The following DAB1 variants were observed in gnomAD, a reference collection of about 807,000 sequenced individuals.
DAB1 encodes disabled homolog 1.
A neutral mutation model predicts 64.6 loss-of-function variants in DAB1; 15 were observed. That is an observed-to-expected ratio of 0.23 (90% CI 0.16 to 0.36). The LOEUF is 0.36. Among genes scored for constraint, DAB1 ranks in the 10% least tolerant of loss-of-function variants. The pLI, the probability that DAB1 is intolerant of heterozygous loss-of-function variation, is 1.00. For missense variants in DAB1, 596 were observed against 706.7 expected, an observed-to-expected ratio of 0.84 and a Z score of 1.78; for synonymous variants, 235 against 251.9, an observed-to-expected ratio of 0.93 and a Z score of 0.64.
At chr1:58,514,211 T>C (rs1295330102) in intron 2 of DAB1, among the ~76,000 whole-genome samples, 2 of 152,186 alleles carry the variant, frequency 1.3e-5, no homozygotes, top group Non-Finnish European at 2.9e-5. Flanking sequence ...TAAATGTATA[T>C]GAATATGCAT....
chr1:57,313,528 A>G (rs1042031019), intron 1 of DAB1, among the ~76,000 whole-genome samples: 5 of 152,150 alleles, frequency 3.3e-5, no homozygotes, highest in Non-Finnish European at 5.9e-5. Context: ...GCCTGCTATG[A>G]GGAAGGGGTA....
At chr1:57,648,230 C>A (rs1360094604) in intron 7 of DAB1, among the ~76,000 whole-genome samples, 2 of 152,164 alleles carry the variant, frequency 1.3e-5, no homozygotes, top group African/African-American at 4.8e-5. Context: ...CTAGGTGTAG[C>A]AGTTACTTAC....
intron 4 of DAB1, among the ~76,000 whole-genome samples, chr1:58,244,935 C>G (rs1188001973): frequency 6.6e-6 from 1 of 152,170 alleles, no homozygotes; most frequent in African/African-American, 2.4e-5. Context: ...AAGTCAAGCT[C>G]TGGAGGCCTC....
intron 5 of DAB1, among the ~76,000 whole-genome samples, chr1:58,129,925 T>C (rs1404497585): frequency 1.4e-5 from 2 of 146,566 alleles, no homozygotes; most frequent in Non-Finnish European, 3.0e-5. Flanking sequence ...GAAAAAAATG[T>C]ATATTCTGTT....
At chr1:57,141,607 C>T (rs1397969712) in intron 3 of DAB1, among the ~76,000 whole-genome samples, 2 of 152,178 alleles carry the variant, frequency 1.3e-5, no homozygotes, top group Non-Finnish European at 2.9e-5. Context: ...AAAGTATCCT[C>T]ATCTGGTCTT....
chr1:57,371,751 T>C (rs1680513897), intron 1 of DAB1, among the ~76,000 whole-genome samples: 1 of 152,208 alleles, frequency 6.6e-6, no homozygotes, highest in Non-Finnish European at 1.5e-5. Flanking sequence ...ATGTAGAACA[T>C]TGAAGATCTT....
chr1:58,013,920 A>T, intron 5 of DAB1, among the ~76,000 whole-genome samples: 1 of 146,320 alleles, frequency 6.8e-6, no homozygotes, highest in Non-Finnish European at 1.5e-5. Context: ...TTTTAAGATG[A>T]CTGTAGTATA....
At chr1:57,048,127 C>A (rs912832239) in intron 9 of DAB1, among the ~76,000 whole-genome samples, 1 of 152,118 alleles carries the variant, frequency 6.6e-6, no homozygotes, top group African/African-American at 2.4e-5. Flanking sequence ...CACTGAGGCA[C>A]AAAGAAGTTT....
chr1:57,260,117 AT>A (rs1324248305), intron 2 of DAB1, among the ~76,000 whole-genome samples: 1 of 152,098 alleles, frequency 6.6e-6, no homozygotes, highest in African/African-American at 2.4e-5. Flanking sequence ...TAGTGTAGAG[AT>A]TTAGCAATGC....
At chr1:57,709,789 A>G (rs1277216897) in intron 6 of DAB1, among the ~76,000 whole-genome samples, 1 of 152,132 alleles carries the variant, frequency 6.6e-6, no homozygotes, top group Non-Finnish European at 1.5e-5. Flanking sequence ...TATTATGCAG[A>G]TGGGTTCTCT....
intron 6 of DAB1, among the ~76,000 whole-genome samples, chr1:57,811,863 C>T (rs759693415): frequency 1.5e-4 from 23 of 152,138 alleles, no homozygotes; most frequent in Non-Finnish European, 3.2e-4. Context: ...GTTGACAATG[C>T]TGTTCTCAGG....
intron 7 of DAB1, among the ~76,000 whole-genome samples, chr1:57,479,482 T>C (rs2101233409): frequency 6.6e-6 from 1 of 150,588 alleles, no homozygotes; most frequent in South Asian, 2.1e-4. Context: ...TATAAAACTC[T>C]GTGTTCTAGT....
At chr1:57,332,062 C>T (rs1676717450) in intron 1 of DAB1, among the ~76,000 whole-genome samples, 1 of 152,316 alleles carries the variant, frequency 6.6e-6, no homozygotes, top group African/African-American at 2.4e-5. Context: ...CTCCCAGGTT[C>T]AAGTGATTCT....
intron 7 of DAB1, among the ~76,000 whole-genome samples, chr1:57,605,530 C>A (rs1645626175): frequency 6.6e-6 from 1 of 152,130 alleles, no homozygotes; most frequent in Non-Finnish European, 1.5e-5. Flanking sequence ...ATACTGCAGC[C>A]CTATTTTAAG....
At chr1:57,443,116 A>G (rs921971033) in intron 7 of DAB1, among the ~76,000 whole-genome samples, 1 of 152,240 alleles carries the variant, frequency 6.6e-6, no homozygotes. Context: ...ATAAATTAAC[A>G]TAGCCTGCCA....
At chr1:58,022,373 T>G (rs1261125347) in intron 5 of DAB1, among the ~76,000 whole-genome samples, 1 of 152,154 alleles carries the variant, frequency 6.6e-6, no homozygotes, top group Non-Finnish European at 1.5e-5. Context: ...CTCAGGAAGG[T>G]AAGTTCAAAT....
intron 2 of DAB1, among the ~76,000 whole-genome samples, chr1:57,244,682 T>C (rs912181935): frequency 1.3e-5 from 2 of 152,236 alleles, no homozygotes; most frequent in African/African-American, 4.8e-5. Context: ...TTTCTATAAG[T>C]GGCTTCAAAT....
At chr1:57,012,277 TC>T (rs1646289233) in intron 12 of DAB1, among the ~76,000 whole-genome samples, 1 of 152,248 alleles carries the variant, frequency 6.6e-6, no homozygotes, top group African/African-American at 2.4e-5. Context: ...TGATGCTATT[TC>T]CTAACTTATT....
chr1:57,317,702 G>A (rs1675333646), intron 1 of DAB1, among the ~76,000 whole-genome samples: 1 of 152,132 alleles, frequency 6.6e-6, no homozygotes, highest in Non-Finnish European at 1.5e-5. Flanking sequence ...GAAGTCTCCG[G>A]TACCATTCCA....
Sources: gnomAD v4.1 joint callset for allele counts (sites outside exome capture counted in the v4.1 genomes callset) on GRCh38, gnomAD v4.1.1 for gene constraint, MANE v1.5 for transcripts, NCBI Gene and HGNC (gene_info 2026-07-23, HGNC 2026-07-21) for gene names.